RFC2: variants seen among roughly 807,000 people sequenced by gnomAD.
RFC2 encodes the protein replication factor C subunit 2.
A neutral mutation model predicts 44.8 loss-of-function variants in RFC2; 34 were observed. The ratio of observed to expected loss-of-function variants is 0.76; its 90% CI spans 0.58 to 1.01. The LOEUF (loss-of-function observed/expected upper bound fraction) is 1.01. Ranked by LOEUF, RFC2 falls within the 50% of genes least tolerant of loss-of-function variation. The probability of loss-of-function intolerance (pLI) is 0.00; values close to 1 mark genes in which losing one functional copy is unlikely to be tolerated. For synonymous variants in RFC2, 177 were observed against 168.9 expected (o/e 1.05, Z -0.37); for missense variants, 400 against 453.6 (o/e 0.88, Z 1.07).
chr7:74,232,130 C>A lies in RFC2; in HGVS notation c.1041G>T (p.Lys347Asn), dbSNP rs1184913356. Residue 347 changes from lysine to asparagine, a missense_variant, in exon 11 of 11, where the codon AAG becomes AAT. Transcript: ENST00000055077. ...TCTAACTGGCCACCGGGGCCATTGT[C>A]TTCTGACACAGCCTTGCCAGGAGGC... ...MAGLLARLCQ[K>N]TMAPVAS The A allele has an allele frequency of 6.2e-7, 1 of 1,611,970 alleles. No homozygotes were observed. The highest frequency in any genetic ancestry group is 1.7e-5 in the Admixed American group (1 of 60,006).
At position 74,234,444 on chromosome 7, in the gene RFC2, C is replaced by A. The variant is rs147632380; in HGVS notation, c.954+1088G>T. On this transcript the variant is annotated intron_variant, in intron 10 of 10. Transcript: ENST00000055077. Reference sequence around the variant, plus strand: ...TGAATTTTACTCTATGTAAATTAAACCTCAATTAATCTAACCTTGAAAAAT... The same window carrying A: ...TGAATTTTACTCTATGTAAATTAAAACTCAATTAATCTAACCTTGAAAAAT... Among the ~76,000 whole-genome samples, 6 of 152,160 alleles carry A rather than the reference C, an allele frequency of 3.9e-5. No individual in the cohort carries two copies. In the East Asian group the frequency reaches 1.2e-3, roughly 29 times the overall value.
At chr7:74,239,871 C>T (rs782699660) in intron 7 of RFC2, 67 bp downstream of exon 7, 6 of 1,429,346 alleles carry the variant, frequency 4.2e-6, no homozygotes, top group Non-Finnish European at 5.7e-6. Context: ...CACTTCCCTC[C>T]CCTTCCCCAT....
chr7:74,250,581 T>A (rs1389426577), intron 2 of RFC2, among the ~76,000 whole-genome samples: 1 of 152,096 alleles, frequency 6.6e-6, no homozygotes, highest in African/African-American at 2.4e-5. Context: ...CCTGAGTACT[T>A]CAATAACCAG....
At chr7:74,237,748 T>G (rs1803104214) in intron 8 of RFC2, among the ~76,000 whole-genome samples, 1 of 152,282 alleles carries the variant, frequency 6.6e-6, no homozygotes, top group Admixed American at 6.5e-5. Flanking sequence ...CTTAGATCAC[T>G]TGGGGGGTCA....
chr7:74,236,547 A>T (rs111659163), intron 9 of RFC2, among the ~76,000 whole-genome samples: 1 of 152,068 alleles, frequency 6.6e-6, no homozygotes, highest in African/African-American at 2.4e-5. Context: ...TGCTCACAGC[A>T]CTCAGTCCCA....
chr7:74,235,634 G>A lies in RFC2; in HGVS notation c.852C>T (p.His284=), dbSNP rs1377865877. 4 of 1,608,704 alleles carry A rather than the reference G, an allele frequency of 2.5e-6. No homozygotes were observed. The Admixed American group carries it at 5.0e-5, about 20-fold the overall frequency. ...NIDEAYKILA[H]LWHLGYSPED... ...CTGGTGAGTAGCCCAGATGCCACAA[G>A]TGAGCAAGAATCTAGACAAAGGAGA... Residue 284 remains histidine, a synonymous_variant, in exon 10 of 11, where the codon CAC becomes CAT. Transcript: ENST00000055077.
chr7:74,244,448 G>A (rs575213131), intron 5 of RFC2, among the ~76,000 whole-genome samples: 1 of 151,534 alleles, frequency 6.6e-6, no homozygotes, highest in South Asian at 2.1e-4. Context: ...TGTCTCCCGG[G>A]TACAAGCGAT....
Position 74,231,870 on chromosome 7 carries a change from G to A in RFC2, c.*236C>T, listed in dbSNP as rs1802743705. On this transcript the variant is annotated 3_prime_UTR_variant, in exon 11 of 11. Coordinates refer to ENST00000055077, the MANE Select transcript of RFC2 (RefSeq NM_181471.3). ...AATTTTTATATTTTTAGTAAAGACAGGGTTTCCCCATGTTGGCCAGGCTGG... is the reference window on the plus strand; with the variant it reads ...AATTTTTATATTTTTAGTAAAGACAAGGTTTCCCCATGTTGGCCAGGCTGG... 1 of 363,960 alleles carries A rather than the reference G, an allele frequency of 2.7e-6. No individual in the cohort carries two copies. The highest frequency in any genetic ancestry group is 5.0e-6 in the Non-Finnish European group (1 of 199,914). 22.5% of individuals were successfully genotyped at this position (363,960 alleles called of 1,614,324 possible).
At chr7:74,236,275 A>C (rs1554718299) in intron 9 of RFC2, among the ~76,000 whole-genome samples, 1 of 151,428 alleles carries the variant, frequency 6.6e-6, no homozygotes, top group East Asian at 1.9e-4. Flanking sequence ...GGAGGCAGAG[A>C]AGCTCTGTGC....
chr7:74,250,924 G>A (rs1439060429), intron 2 of RFC2, among the ~76,000 whole-genome samples: 1 of 152,096 alleles, frequency 6.6e-6, no homozygotes, highest in African/African-American at 2.4e-5. Context: ...GAGTAGCTGG[G>A]ATTACAGACG....
intron 9 of RFC2, chr7:74,237,153 A>G: frequency 2.4e-6 from 1 of 423,622 alleles, no homozygotes; most frequent in Non-Finnish European, 4.4e-6. Context: ...TCTCACCATC[A>G]CCCAGGCTGG....
chr7:74,235,293 T>C (rs1802947976), intron 10 of RFC2, among the ~76,000 whole-genome samples: 1 of 152,210 alleles, frequency 6.6e-6, no homozygotes, highest in South Asian at 2.1e-4. Context: ...CACCTCGGCC[T>C]CCCAAAGTGC....
intron 5 of RFC2, among the ~76,000 whole-genome samples, chr7:74,244,168 T>C (rs1249778735): frequency 6.6e-6 from 1 of 150,794 alleles, no homozygotes; most frequent in Non-Finnish European, 1.5e-5. Flanking sequence ...CTCGTGAGGC[T>C]GAGGCAGGAG....
At chr7:74,233,947 G>T (rs186895469) in intron 10 of RFC2, 31 of 452,862 alleles carry the variant, frequency 6.8e-5, no homozygotes, top group African/African-American at 5.2e-4. Context: ...TCACCCCTGG[G>T]AACTTACTTG....
chr7:74,252,117 A>G (rs1188147749), intron 2 of RFC2, among the ~76,000 whole-genome samples: 1 of 136,778 alleles, frequency 7.3e-6, no homozygotes, highest in African/African-American at 2.7e-5. Flanking sequence ...AAAAAAAAAA[A>G]AAAAAAAAGG....
intron 5 of RFC2, among the ~76,000 whole-genome samples, chr7:74,245,667 T>A (rs543280853): frequency 7.2e-4 from 105 of 144,930 alleles, no homozygotes; most frequent in Non-Finnish European, 1.3e-3. Flanking sequence ...GAGCCAAGAT[T>A]GCGCCACTGC....
At chr7:74,251,364 A>G (rs990903097) in intron 2 of RFC2, among the ~76,000 whole-genome samples, 2 of 151,650 alleles carry the variant, frequency 1.3e-5, no homozygotes, top group African/African-American at 4.8e-5. Flanking sequence ...TCATTCTTAA[A>G]TTTTTTCGTA....
chr7:74,240,489 G>A (rs992569956), intron 6 of RFC2, among the ~76,000 whole-genome samples: 35 of 146,544 alleles, frequency 2.4e-4, no homozygotes, highest in African/African-American at 8.0e-4. Context: ...ACAACAGAGC[G>A]AGGCTGTGTC....
rs142341467 is a variant in RFC2 at position 74,240,049 on chromosome 7, G to A, written c.582C>T (p.Thr194=). The change falls in exon 7 of 11, where the codon ACC becomes ACT. Residue 194 remains threonine, a synonymous_variant. Coordinates refer to ENST00000055077, the MANE Select transcript of RFC2 (RefSeq NM_181471.3). ...RCAVLRYTKL[T]DAQILTRLMN... is the part of the protein sequence containing the mutation. ...TCAGCCTGGTGAGGATCTGGGCGTC[G>A]GTCAGCTTTGTGTACCGGAGGACTG... 7.4e-5 allele frequency: 119 copies of A among 1,613,898 alleles called. No individual in the cohort carries two copies. The highest frequency in any genetic ancestry group is 1.0e-4 in the Admixed American group (6 of 59,976).
Sources: allele counts gnomAD v4.1 joint callset (sites outside exome capture counted in the v4.1 genomes callset), GRCh38; gene constraint gnomAD v4.1.1; transcripts MANE v1.5; gene names NCBI Gene and HGNC (gene_info 2026-07-23, HGNC 2026-07-21).